FHOD1: variants seen among roughly 807,000 people sequenced by gnomAD.
FHOD1 encodes the protein FH1/FH2 domain-containing protein 1.
A neutral mutation model predicts 111.6 loss-of-function variants in FHOD1; 89 were observed. The ratio of observed to expected loss-of-function variants is 0.80; its 90% CI spans 0.67 to 0.95. FHOD1 has a LOEUF of 0.95. FHOD1 is among the 40% of genes least tolerant of loss of function. The probability of loss-of-function intolerance (pLI) is 0.00; values close to 1 mark genes in which losing one functional copy is unlikely to be tolerated. For missense variants in FHOD1, 1,446 were observed against 1,554.2 expected, an observed-to-expected ratio of 0.93 and a Z score of 1.17; for synonymous variants, 618 against 639.0, an observed-to-expected ratio of 0.97 and a Z score of 0.50.
chr16:67,235,121 A>G, intron 11 of FHOD1, among the ~76,000 whole-genome samples: 1 of 152,096 alleles, frequency 6.6e-6, no homozygotes, highest in East Asian at 1.9e-4. Flanking sequence ...TGGTGTCTTG[A>G]GTCTAGACAA....
In FHOD1 at chr16:67,230,656, G is replaced by A. The variant is rs1030769147; in HGVS notation, c.2803C>T (p.Gln935Ter). Reference protein sequence around the residue: ...LRARLTHFLDQCARRVAMLRI... With the variant: ...LRARLTHFLD ...AGCATGGCAACACGGCGGGCACACT[G>A]GTCCAGGAAGTGGGTGAGGCGGGCA... Residue 935 changes from glutamine (Q) to a stop codon, truncating the protein, a stop_gained, in exon 18 of 22, where the codon CAG (glutamine) becomes TAG (stop). Transcript: ENST00000258201. LOFTEE classifies it high-confidence loss of function. 2 of 1,613,938 alleles carry A rather than the reference G, an allele frequency of 1.2e-6. No individual in the cohort carries two copies. The highest frequency in any genetic ancestry group is 1.7e-6 in the Non-Finnish European group (2 of 1,179,956).
intron 11 of FHOD1, 32 bp downstream of exon 11, chr16:67,236,525 G>A (rs758977240): frequency 6.2e-7 from 1 of 1,603,464 alleles, no homozygotes; most frequent in South Asian, 1.1e-5. Flanking sequence ...TGGGAGAGAG[G>A]ACTCCAGGGT....
chr16:67,236,597 C>T lies in FHOD1; in HGVS notation c.1279G>A (p.Ala427Thr), dbSNP rs1239139232. The T allele has an allele frequency of 2.5e-6, 4 of 1,613,536 alleles. No homozygotes were observed. The highest frequency in any genetic ancestry group is 3.4e-6 in the Non-Finnish European group (4 of 1,179,888). Residue 427 changes from alanine to threonine, a missense_variant, in exon 11 of 22, where the codon GCA (alanine) becomes ACA (threonine). By Grantham distance (58) the Ala-to-Thr change is moderately conservative. Transcript: ENST00000258201. ...TCGCTGGAGGTGTCAGCTGAGGGTG[C>T]CACAGAGATGGTAGGAAAAAGGTTC... is the stretch of plus-strand genomic sequence containing the variant. ...SVNLFPTISV[A>T]PSADTSSERS...
In FHOD1 at chr16:67,229,517, C is replaced by G; in HGVS notation, c.*119G>C. 4 of 876,700 alleles carry G rather than the reference C, an allele frequency of 4.6e-6. No homozygotes were observed. The highest frequency in any genetic ancestry group is 5.7e-6 in the Non-Finnish European group (3 of 523,134). 54.3% of individuals were successfully genotyped at this position (876,700 alleles called of 1,614,324 possible). On this transcript the variant is annotated 3_prime_UTR_variant, in exon 22 of 22. Transcript: ENST00000258201. The stretch of plus-strand genomic sequence containing the variant: ...GCATACACACACGGCTAATACTGCT[C>G]AAGGCATGGCTCCTGGGCACAGAGT...
rs761702242 is a variant in FHOD1, at chr16:67,237,632, G to A, written c.754+25C>T. The A allele has an allele frequency of 8.7e-6, 14 of 1,612,852 alleles. No homozygotes were observed. Among genetic ancestry groups the A allele is most frequent in the Non-Finnish European group, 1.2e-5 (14 of 1,178,926 alleles). The stretch of plus-strand genomic sequence containing the variant: ...GTAGGAGAGAGGGCTCTGAGCGGTG[G>A]GGGGAGAAAGGGACAGTCTCTGACC... On this transcript the variant is annotated intron_variant, in intron 7 of 21. Transcript: ENST00000258201. The surrounding 1 kb of genome is among the most constrained non-coding windows in gnomAD (Gnocchi z 5.6).
intron 10 of FHOD1, 110 bp downstream of exon 10, chr16:67,236,856 G>C: frequency 6.9e-7 from 1 of 1,446,636 alleles, no homozygotes; most frequent in Non-Finnish European, 9.3e-7. Flanking sequence ...TGGAGGAGGT[G>C]GGGGCTGTCT....
chr16:67,236,302 G>T, intron 11 of FHOD1: 1 of 1,162,642 alleles, frequency 8.6e-7, no homozygotes, highest in Non-Finnish European at 1.1e-6. Flanking sequence ...ATAGTGGGCG[G>T]GAGACATGAC....
In FHOD1 at chr16:67,236,574, G is replaced by T. The variant is rs761595877; in HGVS notation, c.1302C>A (p.Ser434Arg). 1 of 1,613,292 alleles carries T rather than the reference G, an allele frequency of 6.2e-7. No individual in the cohort carries two copies. The highest frequency in any genetic ancestry group is 1.3e-5 in the African/African-American group (1 of 74,892). Residue 434 changes from serine (S) to arginine (R), a missense_variant, in exon 11 of 22, where the codon AGC (serine) becomes AGA (arginine). Physicochemically the swap from Ser to Arg is moderately radical, Grantham distance 110 (BLOSUM62 -1). Transcript: ENST00000258201. ...CTACTTACTTGTAGATGCTCCTCTC[G>T]CTGGAGGTGTCAGCTGAGGGTGCCA... ...ISVAPSADTS[S>R]ERSIYKARFL... is the part of the protein sequence containing the mutation.
chr16:67,231,197 G>A lies in FHOD1; in HGVS notation c.2658C>T (p.Arg886=). 1 of 1,614,160 alleles carries A rather than the reference G, an allele frequency of 6.2e-7. No individual in the cohort carries two copies. Among genetic ancestry groups the A allele is most frequent in the South Asian group, 1.1e-5 (1 of 91,088 alleles). ...DLYSEIPALT[R]CAKVDFEQLT... ...TCTGGCAGGTGCTAACCTTGGCACA[G>A]CGGGTCAGGGCAGGGATTTCTGAAT... Residue 886 remains arginine (R), a synonymous_variant, in exon 17 of 22, where the codon CGC becomes CGT. Transcript: ENST00000258201. The surrounding 1 kb of genome is among the most constrained non-coding windows in gnomAD (Gnocchi z 4.3).
intron 1 of FHOD1, among the ~76,000 whole-genome samples, chr16:67,242,176 C>T (rs934871453): frequency 2.5e-4 from 38 of 152,166 alleles, no homozygotes; most frequent in African/African-American, 8.7e-4. Context: ...AGCATGTCAT[C>T]CAGGCTGGTC....
At chr16:67,239,049 C>T in intron 2 of FHOD1, 82 bp from the exon 3 acceptor site, 1 of 1,329,298 alleles carries the variant, frequency 7.5e-7, no homozygotes, top group South Asian at 1.2e-5. Context: ...CAAAGACCTC[C>T]CCATGCCAGC....
At position 67,234,412 on chromosome 16, in the gene FHOD1, C is replaced by T. The variant is rs774862376; in HGVS notation, c.1380G>A (p.Gln460=). The change falls in exon 12 of 22, where the codon CAG becomes CAA. Residue 460 remains glutamine (Q), a synonymous_variant. Transcript: ENST00000258201. ...AETEKQVALA[Q]GRAETLAGAM... ...CCCCGGCAAGTGTCTCTGCCCGGCC[C>T]TGGGCCAGCGCAACCTGCTTCTCTG... 2.5e-6 allele frequency: 4 copies of T among 1,609,486 alleles called. No homozygotes were observed. The Admixed American group carries it at 6.7e-5, about 27-fold the overall frequency.
rs933968341 is a variant in FHOD1, at chr16:67,230,866, G to T, written c.2668-75C>A. 5.5e-6 allele frequency: 8 copies of T among 1,451,494 alleles called. No individual in the cohort carries two copies. In the Admixed American group the frequency reaches 1.1e-4, roughly 20 times the overall value. The allele number at this position is 1,451,494 out of a possible 1,614,324, so 89.9% of individuals were successfully genotyped here. ...AGACATGGCCCGAGGCTGCTTCTGGGCCAGAGTGGCCAGCTTGGGCCCTAA... is the reference window on the plus strand; with the variant it reads ...AGACATGGCCCGAGGCTGCTTCTGGTCCAGAGTGGCCAGCTTGGGCCCTAA... On this transcript the variant is annotated intron_variant, in intron 17 of 21. Coordinates refer to ENST00000258201, the MANE Select transcript of FHOD1 (RefSeq NM_013241.3).
Position 67,237,601 on chromosome 16 carries a change from G to A in FHOD1, c.755-32C>T, listed in dbSNP as rs1221540269. 1 of 1,613,220 alleles carries A rather than the reference G, an allele frequency of 6.2e-7. No homozygotes were observed. Among genetic ancestry groups the A allele is most frequent in the East Asian group, 2.2e-5 (1 of 44,878 alleles). ...CACAGAAAGTGGAGCAGTCATGGGG[G>A]AACAGGTAGGAGAGAGGGCTCTGAG... On this transcript the variant is annotated intron_variant, in intron 7 of 21. Transcript: ENST00000258201. The surrounding 1 kb of genome is among the most constrained non-coding windows in gnomAD (Gnocchi z 5.6).
In FHOD1 at chr16:67,247,335, T is replaced by C; in HGVS notation, c.76A>G (p.Thr26Ala). ...AAGTTGGCACATGCGAAGGGGTCGG[T>C]GTCTTCCAGGTACTGCACCCTCACG... ...VTVRVQYLED[T>A]DPFACANFPE... Residue 26 changes from threonine to alanine, a missense_variant, in exon 1 of 22, where the codon ACC (threonine) becomes GCC (alanine). Physicochemically the swap from Thr to Ala is moderately conservative, Grantham distance 58. Transcript: ENST00000258201. The C allele has an allele frequency of 6.2e-7, 1 of 1,613,610 alleles. No individual in the cohort carries two copies. Among genetic ancestry groups the C allele is most frequent in the Non-Finnish European group, 8.5e-7 (1 of 1,179,822 alleles).
At chr16:67,242,239 G>A (rs2034687825) in intron 1 of FHOD1, among the ~76,000 whole-genome samples, 1 of 152,210 alleles carries the variant, frequency 6.6e-6, no homozygotes, top group Non-Finnish European at 1.5e-5. Flanking sequence ...AAAGTGCTGG[G>A]ATTGTAGGTG....
At chr16:67,236,828 T>A (rs1435580925) in intron 10 of FHOD1, 95 bp from the exon 11 acceptor site, 2 of 1,133,794 alleles carry the variant, frequency 1.8e-6, no homozygotes, top group African/African-American at 4.1e-5. Context: ...GTGGGGCATG[T>A]CGGTAGGGCA....
chr16:67,246,671 C>G (rs1480582755), intron 1 of FHOD1, among the ~76,000 whole-genome samples: 1 of 152,216 alleles, frequency 6.6e-6, no homozygotes, highest in Non-Finnish European at 1.5e-5. Context: ...CGGGGACTCC[C>G]CTCACCCCGT....
In FHOD1 at chr16:67,229,714, T is replaced by C. The variant is rs1261725396; in HGVS notation, c.3417A>G (p.Arg1139=). Residue 1139 remains arginine, a synonymous_variant, in exon 22 of 22, where the codon AGA becomes AGG. Transcript: ENST00000258201. Reference sequence around the variant, plus strand: ...CTCCGAGCCCACTCTTCAACGTCCTTCTCACTGCAGGGACAGAGCAGGGTT... The same window carrying C: ...CTCCGAGCCCACTCTTCAACGTCCTCCTCACTGCAGGGACAGAGCAGGGTT... ...KRSRGNRKSL[R]RTLKSGLGDD... 4 of 1,614,164 alleles carry C rather than the reference T, an allele frequency of 2.5e-6. No homozygotes were observed. The highest frequency in any genetic ancestry group is 3.4e-6 in the Non-Finnish European group (4 of 1,180,004).
Sources: gnomAD v4.1 joint callset for allele counts (sites outside exome capture counted in the v4.1 genomes callset) on GRCh38, gnomAD v4.1.1 for gene constraint, Gnocchi (gnomAD v3.1) non-coding constraint, MANE v1.5 for transcripts, NCBI Gene and HGNC (gene_info 2026-07-23, HGNC 2026-07-21) for gene names.